KIF13B: variants seen among roughly 807,000 people sequenced by gnomAD.
KIF13B encodes the protein kinesin family member 13B, also known as kinesin-like protein KIF13B.
In KIF13B, 127 loss-of-function variants were observed where a neutral mutation model predicts 222.0. The ratio of observed to expected loss-of-function variants is 0.57; its 90% confidence interval spans 0.50 to 0.66. The LOEUF (loss-of-function observed/expected upper bound fraction) is 0.66. Among genes scored for constraint, KIF13B ranks in the 30% least tolerant of loss-of-function variants. The pLI, the probability that KIF13B is intolerant of heterozygous loss-of-function variation, is 0.00. For synonymous variants in KIF13B, 976 were observed against 919.0 expected, an observed-to-expected ratio of 1.06 and a Z score of -1.12; for missense variants, 2,173 against 2,379.0, an observed-to-expected ratio of 0.91 and a Z score of 1.80.
intron 38 of KIF13B, among the ~76,000 whole-genome samples, chr8:29,073,641 A>G (rs1042490680): frequency 1.3e-5 from 2 of 152,190 alleles, no homozygotes; most frequent in African/African-American, 2.4e-5. Flanking sequence ...AGGAATGGTC[A>G]TTTTCCATTT....
chr8:29,148,257 A>G lies in KIF13B; in HGVS notation c.1813+320T>C, dbSNP rs1376147944. 2.0e-5 allele frequency among the ~76,000 whole-genome samples: 3 copies of G among 152,356 alleles called. No homozygotes were observed. In the East Asian group the frequency reaches 5.8e-4, roughly 29 times the overall value. On this transcript the variant is annotated intron_variant, in intron 16 of 39. Coordinates refer to ENST00000524189, the MANE Select transcript of KIF13B (RefSeq NM_015254.4). ...AGATTCTATCCATCAGATCAAAGTG[A>G]TCTGACTGCATATTAAGGCAGAACA...
chr8:29,160,902 G>A, intron 12 of KIF13B, 35 bp from the exon 13 acceptor site: 1 of 1,591,730 alleles, frequency 6.3e-7, no homozygotes, highest in South Asian at 1.1e-5. Flanking sequence ...TAATTTCACA[G>A]CTATTGAGGC....
intron 2 of KIF13B, among the ~76,000 whole-genome samples, chr8:29,244,593 C>T (rs959626713): frequency 2.6e-5 from 4 of 152,128 alleles, no homozygotes; most frequent in Non-Finnish European, 1.5e-5. Context: ...CAAAAACTGC[C>T]AAAAACAAAA....
At chr8:29,183,414 A>G (rs1354400213) in intron 6 of KIF13B, among the ~76,000 whole-genome samples, 1 of 152,040 alleles carries the variant, frequency 6.6e-6, no homozygotes, top group Non-Finnish European at 1.5e-5. Flanking sequence ...AGCCTCCCAA[A>G]GTGCTGGGAT....
intron 1 of KIF13B, among the ~76,000 whole-genome samples, chr8:29,245,849 G>A (rs1477315074): frequency 1.3e-5 from 2 of 152,114 alleles, no homozygotes; most frequent in African/African-American, 2.4e-5. Flanking sequence ...CAGAATACAA[G>A]AATATATAAA....
intron 37 of KIF13B, among the ~76,000 whole-genome samples, chr8:29,090,055 G>A (rs1808224002): frequency 6.6e-6 from 1 of 152,168 alleles, no homozygotes; most frequent in African/African-American, 2.4e-5. Flanking sequence ...AGCCTGGGTG[G>A]GTGGCAGGGC....
chr8:29,236,165 A>T (rs777986265), intron 2 of KIF13B, among the ~76,000 whole-genome samples: 3 of 152,216 alleles, frequency 2.0e-5, no homozygotes, highest in Non-Finnish European at 4.4e-5. Context: ...TAAACACTGA[A>T]AATTTGATGC....
At chr8:29,156,306 G>A (rs887129730) in intron 13 of KIF13B, among the ~76,000 whole-genome samples, 2 of 152,088 alleles carry the variant, frequency 1.3e-5, no homozygotes, top group Admixed American at 6.6e-5. Flanking sequence ...AGCCAGGCAT[G>A]GTTGAAACAA....
intron 2 of KIF13B, among the ~76,000 whole-genome samples, chr8:29,235,924 A>C (rs951463257): frequency 6.6e-6 from 1 of 152,220 alleles, no homozygotes; most frequent in Non-Finnish European, 1.5e-5. Context: ...AAATATTTAC[A>C]AGGAAAATAA....
rs1392283855 is a variant in KIF13B at position 29,163,469 on chromosome 8, A to G, written c.1269+2193T>C. Among the ~76,000 whole-genome samples the G allele has an allele frequency of 4.6e-5, 7 of 152,192 alleles. No homozygotes were observed. In the East Asian group the frequency reaches 1.3e-3, roughly 29 times the overall value. ...GAGAAGTCCTTCAAAAAAGAAATTC[A>G]TTGAATTCAGTTTGCCCGGAAATTG... On this transcript the variant is annotated intron_variant, in intron 12 of 39. Transcript: ENST00000524189.
chr8:29,180,976 A>C (rs985398964), intron 7 of KIF13B, among the ~76,000 whole-genome samples: 2 of 152,232 alleles, frequency 1.3e-5, no homozygotes, highest in Admixed American at 6.5e-5. Flanking sequence ...CCCATTACCC[A>C]GTCTTCACTT....
chr8:29,146,662 T>A, intron 17 of KIF13B, 122 bp from the exon 18 acceptor site: 1 of 849,634 alleles, frequency 1.2e-6, no homozygotes, highest in South Asian at 1.7e-5. Context: ...TCCGTGGTCG[T>A]CTGCACGCAG....
chr8:29,122,760 C>G (rs1409378653), intron 28 of KIF13B, 114 bp from the exon 29 acceptor site: 1 of 800,952 alleles, frequency 1.2e-6, no homozygotes, highest in Non-Finnish European at 2.1e-6. Context: ...CAGTAATAAC[C>G]CTGGCCCTGA....
intron 18 of KIF13B, among the ~76,000 whole-genome samples, chr8:29,143,497 G>GCGGT (rs1235219220): frequency 2.0e-5 from 3 of 152,214 alleles, no homozygotes; most frequent in Non-Finnish European, 2.9e-5. Context: ...CTAGATGGAA[G>GCGGT]CGGTGCTCAC....
intron 5 of KIF13B, among the ~76,000 whole-genome samples, 197 bp downstream of exon 5, chr8:29,188,318 T>G (rs142038712): frequency 8.1e-4 from 124 of 152,332 alleles, no homozygotes; most frequent in African/African-American, 2.6e-3. Flanking sequence ...GAAAAATCAG[T>G]AAAGATAAAA....
intron 2 of KIF13B, among the ~76,000 whole-genome samples, chr8:29,240,660 G>A (rs907369146): frequency 6.6e-6 from 1 of 152,210 alleles, no homozygotes; most frequent in Non-Finnish European, 1.5e-5. Flanking sequence ...ACCAGAACGC[G>A]GGGTTCTAAA....
At chr8:29,196,261 T>G (rs56951850) in intron 2 of KIF13B, 62 bp from the exon 3 acceptor site, 224,724 of 1,320,416 alleles carry the variant, frequency 0.17, 18,352 homozygotes, top group African/African-American at 0.25. Flanking sequence ...AAAAAAAAAA[T>G]TTAGTTTAGA....
intron 2 of KIF13B, among the ~76,000 whole-genome samples, chr8:29,225,033 T>C (rs766270398): frequency 1.8e-4 from 28 of 152,046 alleles, no homozygotes; most frequent in Admixed American, 2.6e-4. Context: ...AGGAAAAAAG[T>C]GGAGAGAAGG....
intron 10 of KIF13B, among the ~76,000 whole-genome samples, chr8:29,169,366 A>C (rs550549621): frequency 7.9e-5 from 12 of 152,246 alleles, no homozygotes; most frequent in Admixed American, 3.3e-4. Flanking sequence ...CTTCAAGTCC[A>C]ACATGATTTC....
Sources: allele counts gnomAD v4.1 joint callset (sites outside exome capture counted in the v4.1 genomes callset), GRCh38; gene constraint gnomAD v4.1.1; transcripts MANE v1.5; gene names NCBI Gene and HGNC (gene_info 2026-07-23, HGNC 2026-07-21).